FAM227B: variants seen among roughly 807,000 people sequenced by gnomAD.
The protein encoded by FAM227B is protein FAM227B.
In FAM227B, 88 loss-of-function variants were observed where a neutral mutation model predicts 73.8. That is an observed-to-expected ratio of 1.19 (90% CI 1.00 to 1.42). The LOEUF is 1.42. Among genes scored for constraint, FAM227B ranks in the 40% most tolerant of loss-of-function variants. The pLI is 0.00. For synonymous variants in FAM227B, 210 were observed against 190.5 expected, an observed-to-expected ratio of 1.10 and a Z score of -0.84; for missense variants, 632 against 590.9, an observed-to-expected ratio of 1.07 and a Z score of -0.72.
intron 11 of FAM227B, chr15:49,395,919 G>A (rs1341004911): frequency 2.2e-6 from 1 of 455,766 alleles, no homozygotes; most frequent in Non-Finnish European, 4.4e-6. Flanking sequence ...TTAATTTAAG[G>A]CCCATGAATG....
chr15:49,470,916 G>A (rs74899493), intron 11 of FAM227B, among the ~76,000 whole-genome samples: 1,623 of 152,322 alleles, frequency 0.011, 32 homozygotes, highest in African/African-American at 0.034. Flanking sequence ...ATTCCAGGAT[G>A]TAAGGACACC....
chr15:49,569,447 A>G (rs552911755), intron 8 of FAM227B, among the ~76,000 whole-genome samples: 5 of 151,830 alleles, frequency 3.3e-5, no homozygotes, highest in African/African-American at 1.2e-4. Flanking sequence ...TTAATGTGTG[A>G]GACGGTGTGG....
intron 9 of FAM227B, among the ~76,000 whole-genome samples, chr15:49,547,002 A>G (rs1166003542): frequency 6.6e-6 from 1 of 152,190 alleles, no homozygotes; most frequent in Non-Finnish European, 1.5e-5. Context: ...AGTTGAAATG[A>G]AGGAAAAAAT....
At chr15:49,361,462 A>G (rs1297667438) in intron 13 of FAM227B, among the ~76,000 whole-genome samples, 2 of 152,004 alleles carry the variant, frequency 1.3e-5, no homozygotes, top group Non-Finnish European at 2.9e-5. Context: ...CATGTACTCA[A>G]TGTTTAGCTC....
chr15:49,576,754 G>T lies in FAM227B; in HGVS notation c.533C>A (p.Ala178Asp). Reference protein sequence around the residue: ...AEQIYLFILKAHNFDERVFKI... With the variant: ...AEQIYLFILKDHNFDERVFKI... Reference sequence around the variant, plus strand: ...ATATTTACATACATCAAAATTATGGGCTTTTAAAATAAAAAGATAAATTTG... The same window carrying T: ...ATATTTACATACATCAAAATTATGGTCTTTTAAAATAAAAAGATAAATTTG... Residue 178 changes from alanine (A) to aspartate (D), a missense_variant, in exon 7 of 16, where the codon GCC becomes GAC. Ala to Asp is a moderately radical substitution (Grantham distance 126). Transcript: ENST00000299338. The T allele has an allele frequency of 1.9e-6, 3 of 1,574,856 alleles. No individual in the cohort carries two copies. The highest frequency in any genetic ancestry group is 2.6e-6 in the Non-Finnish European group (3 of 1,145,240).
chr15:49,470,742 T>C (rs1268055030), intron 11 of FAM227B, among the ~76,000 whole-genome samples: 1 of 152,236 alleles, frequency 6.6e-6, no homozygotes, highest in African/African-American at 2.4e-5. Flanking sequence ...AAATGAGTAT[T>C]TGTGATCTAT....
chr15:49,336,881 C>CA (rs2039808676), intron 13 of FAM227B, among the ~76,000 whole-genome samples: 1 of 152,154 alleles, frequency 6.6e-6, no homozygotes, highest in African/African-American at 2.4e-5. Context: ...TTACAGTATG[C>CA]AGTGTCTATT....
At chr15:49,592,782 C>A (rs907187298) in intron 3 of FAM227B, among the ~76,000 whole-genome samples, 4 of 152,218 alleles carry the variant, frequency 2.6e-5, no homozygotes, top group African/African-American at 9.6e-5. Context: ...TTCAGCTATG[C>A]CCTGCCCACA....
chr15:49,483,499 A>T (rs2056137069), intron 11 of FAM227B, among the ~76,000 whole-genome samples: 2 of 152,048 alleles, frequency 1.3e-5, no homozygotes, highest in Non-Finnish European at 2.9e-5. Flanking sequence ...ACCTCTAAGG[A>T]TCCTTCCAGC....
chr15:49,590,979 C>A (rs1295642309), intron 3 of FAM227B, among the ~76,000 whole-genome samples: 5 of 147,690 alleles, frequency 3.4e-5, no homozygotes, highest in African/African-American at 9.9e-5. Context: ...TCCACACTGT[C>A]AAAAATAGAG....
At chr15:49,438,346 C>A (rs78333800) in intron 11 of FAM227B, among the ~76,000 whole-genome samples, 3,564 of 151,774 alleles carry the variant, frequency 0.023, 91 homozygotes, top group South Asian at 0.13. Context: ...TTACCAAATC[C>A]TCTTACCAGA....
At chr15:49,415,561 G>A (rs1054062684) in intron 11 of FAM227B, among the ~76,000 whole-genome samples, 1 of 152,036 alleles carries the variant, frequency 6.6e-6, no homozygotes. Flanking sequence ...TAGAGATTTT[G>A]CTCTAGGTCT....
At chr15:49,467,964 T>C (rs1335514690) in intron 11 of FAM227B, among the ~76,000 whole-genome samples, 1 of 152,182 alleles carries the variant, frequency 6.6e-6, no homozygotes, top group African/African-American at 2.4e-5. Context: ...TATCACACTG[T>C]ATATTGCACA....
At chr15:49,601,645 C>T (rs945237038) in intron 3 of FAM227B, among the ~76,000 whole-genome samples, 5 of 152,186 alleles carry the variant, frequency 3.3e-5, no homozygotes, top group South Asian at 2.1e-4. Flanking sequence ...ACAAATAATC[C>T]AATTATACTC....
chr15:49,451,954 A>C (rs2052789413), intron 11 of FAM227B, among the ~76,000 whole-genome samples: 1 of 152,154 alleles, frequency 6.6e-6, no homozygotes, highest in Admixed American at 6.6e-5. Flanking sequence ...TTTAATAACT[A>C]GTGAAAAAAT....
At chr15:49,495,873 AT>A (rs959508052) in intron 11 of FAM227B, among the ~76,000 whole-genome samples, 3 of 151,976 alleles carry the variant, frequency 2.0e-5, no homozygotes, top group African/African-American at 7.3e-5. Context: ...AAATACAAAA[AT>A]TAGCTGAGTG....
At chr15:49,463,123 T>C (rs1489570939) in intron 11 of FAM227B, among the ~76,000 whole-genome samples, 1 of 152,136 alleles carries the variant, frequency 6.6e-6, no homozygotes, top group South Asian at 2.1e-4. Context: ...TGCCCTGGAG[T>C]AGGCCTCCAT....
chr15:49,335,475 A>T lies in FAM227B; in HGVS notation c.1293T>A (p.Arg431=). The T allele has an allele frequency of 6.2e-7, 1 of 1,613,258 alleles. No individual in the cohort carries two copies. Among genetic ancestry groups the T allele is most frequent in the Non-Finnish European group, 8.5e-7 (1 of 1,179,410 alleles). Residue 431 remains arginine (R), a synonymous_variant, in exon 14 of 16, where the codon CGT becomes CGA. Coordinates refer to ENST00000299338, the MANE Select transcript of FAM227B (RefSeq NM_152647.3). ...FQEPLPAPTY[R]DVIKEAKRQF... is the part of the protein sequence containing the mutation. Reference sequence around the variant, plus strand: ...GTCTTTTTGCCTCCTTTATAACATCACGGTATGTTGGAGCAGGTAGTGTGC... The same window carrying T: ...GTCTTTTTGCCTCCTTTATAACATCTCGGTATGTTGGAGCAGGTAGTGTGC...
chr15:49,445,215 A>T (rs943992430), intron 11 of FAM227B, among the ~76,000 whole-genome samples: 3 of 151,544 alleles, frequency 2.0e-5, no homozygotes, highest in Non-Finnish European at 4.4e-5. Context: ...GTATGATCCC[A>T]TTACCCAGGT....
Sources: gnomAD v4.1 joint callset for allele counts (sites outside exome capture counted in the v4.1 genomes callset) on GRCh38, gnomAD v4.1.1 for gene constraint, MANE v1.5 for transcripts, NCBI Gene and HGNC (gene_info 2026-07-23, HGNC 2026-07-21) for gene names.